The following DLGAP2 variants were observed in gnomAD, a reference collection of about 807,000 sequenced individuals.
DLGAP2 encodes disks large-associated protein 2.
Under a neutral mutation model 100.3 loss-of-function variants are expected in DLGAP2, and 26 were observed. That is an observed-to-expected ratio of 0.26 (90% CI 0.19 to 0.36). The LOEUF is 0.36. DLGAP2 is among the 10% of genes least tolerant of loss of function. The pLI, the probability that DLGAP2 is intolerant of heterozygous loss-of-function variation, is 1.00. For synonymous variants in DLGAP2, 886 were observed against 630.1 expected (o/e 1.41, Z -6.08); for missense variants, 1,858 against 1,453.2 (o/e 1.28, Z -4.53).
chr8:1,469,466 C>T (rs1028014830), intron 3 of DLGAP2, among the ~76,000 whole-genome samples: 1 of 152,248 alleles, frequency 6.6e-6, no homozygotes, highest in Non-Finnish European at 1.5e-5. Flanking sequence ...TCTGCCATTT[C>T]CTGTGCAGGA....
chr8:753,526 C>G (rs1030974850), intron 1 of DLGAP2: 2 of 152,206 alleles, frequency 1.3e-5, no homozygotes, highest in African/African-American at 2.4e-5. Context: ...TGTGGACAGA[C>G]CTGCAGGAAT....
In DLGAP2 at chr8:1,096,937, C is replaced by T. The variant is rs1183731258; in HGVS notation, c.74-161914C>T. Among the ~76,000 whole-genome samples the T allele has an allele frequency of 1.4e-4, 19 of 131,942 alleles. No individual in the cohort carries two copies. In the South Asian group the frequency reaches 1.6e-3, roughly 11 times the overall value. 86.6% of individuals were successfully genotyped at this position (131,942 alleles called of 152,430 possible). On this transcript the variant is annotated intron_variant, in intron 2 of 14. Coordinates refer to ENST00000637795, the MANE Select transcript of DLGAP2 (RefSeq NM_001346810.2). The stretch of plus-strand genomic sequence containing the variant: ...GCTCAGTACAGTGGAGCTGGGAGCC[C>T]GGGGCAGGCCTTCACCCTCTGTGGC...
chr8:912,486 C>G (rs960901775), intron 2 of DLGAP2, among the ~76,000 whole-genome samples: 1 of 152,166 alleles, frequency 6.6e-6, no homozygotes, highest in Non-Finnish European at 1.5e-5. Context: ...GGGGAGGCCT[C>G]GTTCTAGTGT....
At chr8:1,548,524 G>A (rs893662710) in intron 4 of DLGAP2, 102 bp from the exon 5 acceptor site, 4 of 963,440 alleles carry the variant, frequency 4.2e-6, no homozygotes, top group Non-Finnish European at 5.8e-6. Context: ...GCCAGACATG[G>A]ACACTGATTA....
chr8:1,088,936 A>G (rs1259933943), intron 2 of DLGAP2, among the ~76,000 whole-genome samples: 1 of 126,058 alleles, frequency 7.9e-6, no homozygotes, highest in Non-Finnish European at 1.6e-5. Context: ...CCAGCAGGCT[A>G]TGCCATTCTC....
intron 2 of DLGAP2, among the ~76,000 whole-genome samples, chr8:912,776 A>G (rs1205441548): frequency 1.5e-5 from 2 of 129,226 alleles, no homozygotes; most frequent in East Asian, 2.2e-4. Context: ...CCCCTGCGCT[A>G]TGGTGCCCAC....
intron 2 of DLGAP2, among the ~76,000 whole-genome samples, chr8:1,172,036 C>T (rs964783210): frequency 2.6e-5 from 4 of 152,060 alleles, no homozygotes; most frequent in Non-Finnish European, 5.9e-5. Context: ...TGTTCCTTTT[C>T]ATGTTTAGTG....
chr8:1,039,960 C>T (rs78203258), intron 2 of DLGAP2, among the ~76,000 whole-genome samples: 4,063 of 144,302 alleles, frequency 0.028, no homozygotes, highest in East Asian at 0.11. Context: ...GTGGTCAGCT[C>T]GGTGTGCGTG....
chr8:779,739 C>T (rs1821636642), intron 1 of DLGAP2, among the ~76,000 whole-genome samples: 1 of 152,186 alleles, frequency 6.6e-6, no homozygotes, highest in Non-Finnish European at 1.5e-5. Context: ...CAAGCAGACA[C>T]TAACAGGGAA....
intron 2 of DLGAP2, among the ~76,000 whole-genome samples, chr8:1,157,651 T>C (rs1223904983): frequency 6.6e-6 from 1 of 152,194 alleles, no homozygotes; most frequent in African/African-American, 2.4e-5. Context: ...GCAAATGTAC[T>C]GTAGGAAGAT....
At chr8:1,640,449 G>C (rs753290031) in intron 8 of DLGAP2, among the ~76,000 whole-genome samples, 1 of 152,190 alleles carries the variant, frequency 6.6e-6, no homozygotes, top group East Asian at 1.9e-4. Context: ...CAACGATATC[G>C]TGCGGGAGTC....
At chr8:953,820 A>G (rs1301386490) in intron 2 of DLGAP2, among the ~76,000 whole-genome samples, 1 of 152,066 alleles carries the variant, frequency 6.6e-6, no homozygotes, top group African/African-American at 2.4e-5. Flanking sequence ...GAAGCGCTTT[A>G]TGGGACTTTC....
At chr8:1,653,145 C>G (rs1798205158) in intron 8 of DLGAP2, among the ~76,000 whole-genome samples, 1 of 152,094 alleles carries the variant, frequency 6.6e-6, no homozygotes, top group Non-Finnish European at 1.5e-5. Flanking sequence ...GATACTGTGG[C>G]ATCGCGTTGG....
At chr8:1,404,038 G>C (rs1796537743) in intron 3 of DLGAP2, among the ~76,000 whole-genome samples, 1 of 24,520 alleles carries the variant, frequency 4.1e-5, no homozygotes, top group Non-Finnish European at 7.2e-5. Flanking sequence ...AGTGCTTACT[G>C]AGCGCTCCCT....
chr8:1,288,802 G>A (rs1399319090), intron 3 of DLGAP2, among the ~76,000 whole-genome samples: 1 of 151,716 alleles, frequency 6.6e-6, no homozygotes, highest in African/African-American at 2.4e-5. Flanking sequence ...GTTAGGAGGG[G>A]AACTAGTTTC....
At chr8:1,517,916 G>T (rs1369773647) in intron 4 of DLGAP2, among the ~76,000 whole-genome samples, 6 of 152,214 alleles carry the variant, frequency 3.9e-5, no homozygotes, top group Non-Finnish European at 5.9e-5. Context: ...ATCCCCCACG[G>T]TATGTTGTTT....
chr8:1,654,656 C>T (rs1798242632), intron 8 of DLGAP2, among the ~76,000 whole-genome samples: 2 of 125,274 alleles, frequency 1.6e-5, no homozygotes, highest in Admixed American at 9.0e-5. Flanking sequence ...AGTGAAACTC[C>T]GTCTCAAAAA....
intron 3 of DLGAP2, among the ~76,000 whole-genome samples, chr8:1,346,256 T>C (rs999138476): frequency 4.0e-5 from 6 of 150,704 alleles, no homozygotes; most frequent in African/African-American, 9.8e-5. Flanking sequence ...ATTGCTCTCA[T>C]GGTAGCTGTG....
intron 2 of DLGAP2, among the ~76,000 whole-genome samples, chr8:1,043,255 G>GGC: frequency 8.5e-6 from 1 of 117,822 alleles, no homozygotes; most frequent in East Asian, 2.3e-4. Context: ...GGTGGTGGGT[G>GGC]TGGGTGGTGG....
Sources: gnomAD v4.1 joint callset for allele counts (sites outside exome capture counted in the v4.1 genomes callset) on GRCh38, gnomAD v4.1.1 for gene constraint, MANE v1.5 for transcripts, NCBI Gene and HGNC (gene_info 2026-07-23, HGNC 2026-07-21) for gene names.